ZNF730: variants seen among roughly 807,000 people sequenced by gnomAD.
The protein encoded by ZNF730 is zinc finger protein 730.
A neutral mutation model predicts 12.6 loss-of-function variants in ZNF730; 12 were observed. The observed-to-expected ratio is 0.95, with a 90% CI of 0.61 to 1.54. The LOEUF is 1.54. ZNF730 is among the 40% of genes most tolerant of loss of function. The pLI is 0.00. For missense variants in ZNF730, 643 were observed against 583.5 expected (o/e 1.10, Z -1.05); for synonymous variants, 194 against 195.8 (o/e 0.99, Z 0.08).
At chr19:23,141,064 A>G (rs1241266234) in intron 3 of ZNF730, among the ~76,000 whole-genome samples, 1 of 151,902 alleles carries the variant, frequency 6.6e-6, no homozygotes, top group Non-Finnish European at 1.5e-5. Flanking sequence ...AAAATTTGAG[A>G]CCAGCCCAAG....
chr19:23,079,026 G>A (rs889197107), intron 1 of ZNF730, among the ~76,000 whole-genome samples: 2 of 151,916 alleles, frequency 1.3e-5, no homozygotes, highest in African/African-American at 4.8e-5. Flanking sequence ...GGCTGATCTC[G>A]AACTCCTGAC....
rs1309840107 is a variant in ZNF730 at position 23,117,062 on chromosome 19, G to C, written c.-112G>C. 4 of 1,533,770 alleles carry C rather than the reference G, an allele frequency of 2.6e-6. No individual in the cohort carries two copies. The highest frequency in any genetic ancestry group is 3.5e-6 in the Non-Finnish European group (4 of 1,129,600). On this transcript the variant is annotated 5_prime_UTR_variant, in exon 1 of 4. Coordinates refer to ENST00000597761, the MANE Select transcript of ZNF730 (RefSeq NM_001277403.2). ...CGCTGCCGCCGAAGCTCCAATTTTC[G>C]TCTGTCTGCTTTGTGTCCTCTGCAC...
chr19:23,117,159 C>G lies in ZNF730; in HGVS notation c.-15C>G. On this transcript the variant is annotated 5_prime_UTR_variant, in exon 1 of 4. Transcript: ENST00000597761. Reference sequence around the variant, plus strand: ...ATCCACAGCTAAGACGCCAGGGCCCCCTGGAAGCCTAGAAATGGTGAGAGT... The same window carrying G: ...ATCCACAGCTAAGACGCCAGGGCCCGCTGGAAGCCTAGAAATGGTGAGAGT... 3.7e-6 allele frequency: 6 copies of G among 1,613,930 alleles called. No individual in the cohort carries two copies. The highest frequency in any genetic ancestry group is 5.1e-6 in the Non-Finnish European group (6 of 1,179,828).
chr19:23,145,134 A>G, intron 3 of ZNF730, 137 bp from the exon 4 acceptor site: 1 of 596,742 alleles, frequency 1.7e-6, no homozygotes, highest in Non-Finnish European at 2.6e-6. Flanking sequence ...TTACATTTAT[A>G]TGTTTATGAA....
Position 23,145,604 on chromosome 19 carries a change from A to G in ZNF730, c.560A>G (p.His187Arg). 3 of 1,546,236 alleles carry G rather than the reference A, an allele frequency of 1.9e-6. No individual in the cohort carries two copies. Among genetic ancestry groups the G allele is most frequent in the Non-Finnish European group, 2.6e-6 (3 of 1,147,270 alleles). ...GGAAAATTATTTTGCATTCTTTCACACTTAGCTCAACATAAAAAAATTCAT... is the reference window on the plus strand; with the variant it reads ...GGAAAATTATTTTGCATTCTTTCACGCTTAGCTCAACATAAAAAAATTCAT... ...ECGKLFCILS[H>R]LAQHKKIHTG... The change falls in exon 4 of 4, where the codon CAC (histidine) becomes CGC (arginine). Residue 187 changes from histidine to arginine, a missense_variant. By Grantham distance (29) the His-to-Arg change is conservative. Transcript: ENST00000597761.
chr19:23,077,170 C>G (rs1969876762), intron 1 of ZNF730, among the ~76,000 whole-genome samples: 1 of 152,106 alleles, frequency 6.6e-6, no homozygotes, highest in Non-Finnish European at 1.5e-5. Flanking sequence ...ACAATCCATA[C>G]TGGGGTCTAT....
intron 1 of ZNF730, among the ~76,000 whole-genome samples, chr19:23,109,751 G>T (rs1305985628): frequency 6.6e-6 from 1 of 152,036 alleles, no homozygotes. Context: ...GTTTCACCAT[G>T]TTGGCCAGTA....
chr19:23,144,346 A>G (rs1220172741), intron 3 of ZNF730: 1 of 152,128 alleles, frequency 6.6e-6, no homozygotes, highest in Non-Finnish European at 1.5e-5. Context: ...ACATGTTCTT[A>G]AAATGTGTCT....
intron 1 of ZNF730, among the ~76,000 whole-genome samples, chr19:23,085,107 C>G (rs1434099269): frequency 6.6e-6 from 1 of 152,174 alleles, no homozygotes; most frequent in African/African-American, 2.4e-5. Context: ...TTTTCCTCCA[C>G]AACCTCGTCA....
chr19:23,106,558 G>A (rs916847446), intron 1 of ZNF730, among the ~76,000 whole-genome samples: 4 of 152,120 alleles, frequency 2.6e-5, no homozygotes, highest in African/African-American at 7.2e-5. Flanking sequence ...TTGGGAGGCC[G>A]AGGCAGGTGG....
chr19:23,127,856 G>T, intron 1 of ZNF730: 1 of 655,526 alleles, frequency 1.5e-6, no homozygotes, highest in Non-Finnish European at 2.8e-6. Context: ...GCTTATACCC[G>T]TATAGAAGAG....
intron 3 of ZNF730, among the ~76,000 whole-genome samples, chr19:23,139,753 G>A (rs971646390): frequency 6.6e-6 from 1 of 152,054 alleles, no homozygotes; most frequent in African/African-American, 2.4e-5. Flanking sequence ...TCGAACTCCT[G>A]ACCTCAGGTG....
intron 3 of ZNF730, 132 bp downstream of exon 3, chr19:23,136,175 T>G: frequency 1.5e-6 from 1 of 670,434 alleles, no homozygotes; most frequent in Non-Finnish European, 2.1e-6. Context: ...TTTTTATTTA[T>G]TTTGCTTTTT....
intron 1 of ZNF730, among the ~76,000 whole-genome samples, chr19:23,078,404 G>T (rs941123337): frequency 6.6e-6 from 1 of 152,126 alleles, no homozygotes. Context: ...AGACATGCTG[G>T]CGGCACTACT....
chr19:23,115,158 C>G (rs1272341518), upstream of ZNF730, among the ~76,000 whole-genome samples: 1 of 150,494 alleles, frequency 6.6e-6, no homozygotes, highest in East Asian at 1.9e-4. Flanking sequence ...AAACTGTCTT[C>G]TTTTGCAGAA....
intron 1 of ZNF730, among the ~76,000 whole-genome samples, chr19:23,122,354 G>C (rs1970609699): frequency 6.6e-6 from 1 of 151,938 alleles, no homozygotes; most frequent in Non-Finnish European, 1.5e-5. Context: ...TACTGGCCAG[G>C]CTAGTCTCAA....
chr19:23,140,346 G>A lies in ZNF730; in HGVS notation c.226+4303G>A, dbSNP rs1369613832. ...AAAAATAGATTGGTTGTGGTGGCTCGTGACTGTAATCCCAGCACTTTGGGA... is the reference window on the plus strand; with the variant it reads ...AAAAATAGATTGGTTGTGGTGGCTCATGACTGTAATCCCAGCACTTTGGGA... On this transcript the variant is annotated intron_variant, in intron 3 of 3. Coordinates refer to ENST00000597761, the MANE Select transcript of ZNF730 (RefSeq NM_001277403.2). Among the ~76,000 whole-genome samples the A allele has an allele frequency of 8.6e-5, 13 of 151,346 alleles. No individual in the cohort carries two copies. The East Asian group carries it at 1.9e-3, about 23-fold the overall frequency.
chr19:23,117,477 G>T (rs560290124), intron 1 of ZNF730, among the ~76,000 whole-genome samples: 2 of 152,324 alleles, frequency 1.3e-5, no homozygotes, highest in African/African-American at 4.8e-5. Flanking sequence ...AGAGAGGATC[G>T]TCAGAGGAGA....
intron 1 of ZNF730, among the ~76,000 whole-genome samples, chr19:23,102,193 CT>C (rs1170572262): frequency 6.6e-6 from 1 of 152,188 alleles, no homozygotes; most frequent in Non-Finnish European, 1.5e-5. Flanking sequence ...TGATGTGTCT[CT>C]GGTAACTGGG....
Sources: allele counts gnomAD v4.1 joint callset (sites outside exome capture counted in the v4.1 genomes callset), GRCh38; gene constraint gnomAD v4.1.1; transcripts MANE v1.5; gene names NCBI Gene and HGNC (gene_info 2026-07-23, HGNC 2026-07-21).